TYW1: variants seen among roughly 807,000 people sequenced by gnomAD.
The protein encoded by TYW1 is tRNA-yW synthesizing protein 1 homolog, also known as S-adenosyl-L-methionine-dependent tRNA 4-demethylwyosine synthase TYW1.
TYW1 carries 46 observed loss-of-function variants against 96.2 expected under a neutral mutation model. That is an observed-to-expected ratio of 0.48 (90% CI 0.38 to 0.61). The LOEUF is 0.61. TYW1 is among the 20% of genes least tolerant of loss of function. TYW1 has a pLI of 0.00. For missense variants in TYW1, 684 were observed against 909.6 expected (o/e 0.75, Z 3.19); for synonymous variants, 274 against 323.0 (o/e 0.85, Z 1.63).
At chr7:67,157,428 G>A (rs926798436) in intron 13 of TYW1, among the ~76,000 whole-genome samples, 7 of 152,118 alleles carry the variant, frequency 4.6e-5, no homozygotes, top group Admixed American at 6.6e-5. Context: ...TGGGATTGCA[G>A]GTGTCAACCA....
intron 8 of TYW1, among the ~76,000 whole-genome samples, chr7:67,051,882 T>A (rs1186356428): frequency 6.6e-6 from 1 of 152,206 alleles, no homozygotes; most frequent in Non-Finnish European, 1.5e-5. Flanking sequence ...TCTATCACTG[T>A]GTCTTCAAGT....
chr7:67,235,762 C>T (rs1801864220), intron 15 of TYW1, among the ~76,000 whole-genome samples: 1 of 151,768 alleles, frequency 6.6e-6, no homozygotes, highest in South Asian at 2.1e-4. Flanking sequence ...GGTGTGGTGG[C>T]AGGTGCCAGT....
rs562208428 is a variant in TYW1, at chr7:67,007,943, CT to C, written c.274-1635del. On this transcript the variant is annotated intron_variant, in intron 3 of 15. Transcript: ENST00000359626. ...AGCCACCACGCCTGGCCAACCTGTC[CT>C]TTTTCTATACCAGTTCTCATGCTTA... Among the ~76,000 whole-genome samples, 12 of 152,126 alleles carry C rather than the reference CT, an allele frequency of 7.9e-5. No homozygotes were observed. The East Asian group carries it at 2.1e-3, about 27-fold the overall frequency.
intron 9 of TYW1, among the ~76,000 whole-genome samples, chr7:67,066,589 C>T (rs1795876410): frequency 6.6e-6 from 1 of 152,160 alleles, no homozygotes. Context: ...TTGCTCACAA[C>T]TGTAATCTTA....
chr7:67,018,933 G>A (rs1277131979), intron 6 of TYW1, among the ~76,000 whole-genome samples: 1 of 146,252 alleles, frequency 6.8e-6, no homozygotes, highest in African/African-American at 2.5e-5. Flanking sequence ...TCCAGCCCGG[G>A]CGACAGAGTG....
intron 9 of TYW1, among the ~76,000 whole-genome samples, chr7:67,056,205 A>G (rs534654355): frequency 6.6e-6 from 1 of 152,296 alleles, no homozygotes; most frequent in East Asian, 1.9e-4. Context: ...AGAATTTCAT[A>G]TGAGTGGCCA....
intron 3 of TYW1, among the ~76,000 whole-genome samples, chr7:67,008,681 T>C (rs1359773368): frequency 6.6e-6 from 1 of 152,170 alleles, no homozygotes; most frequent in African/African-American, 2.4e-5. Context: ...TATTTATTTA[T>C]TTTGGAGATG....
chr7:67,166,660 T>C (rs1358163407), intron 13 of TYW1, among the ~76,000 whole-genome samples: 1 of 152,198 alleles, frequency 6.6e-6, no homozygotes, highest in Non-Finnish European at 1.5e-5. Flanking sequence ...ATTTTTTCTT[T>C]ATGTATGTTT....
intron 12 of TYW1, among the ~76,000 whole-genome samples, chr7:67,112,617 T>TAAA (rs59148915): frequency 7.0e-6 from 1 of 142,306 alleles, no homozygotes; most frequent in African/African-American, 2.6e-5. Context: ...CTCTTGTCTT[T>TAAA]AAAAAAAAAA....
chr7:67,000,511 C>T (rs550412185), intron 3 of TYW1, among the ~76,000 whole-genome samples: 1 of 152,158 alleles, frequency 6.6e-6, no homozygotes, highest in South Asian at 2.1e-4. Context: ...ATTGGTCACA[C>T]TGCTCTCAAA....
chr7:67,019,836 T>G lies in TYW1; in HGVS notation c.861+1693T>G, dbSNP rs1321209766. The stretch of plus-strand genomic sequence containing the variant: ...TATAGCGATAATATTGATTAGTGAT[T>G]AGCTATGCACTGTTGAATGACAGGA... On this transcript the variant is annotated intron_variant, in intron 6 of 15. Coordinates refer to ENST00000359626, the MANE Select transcript of TYW1 (RefSeq NM_018264.4). Among the ~76,000 whole-genome samples, 5 of 152,414 alleles carry G rather than the reference T, an allele frequency of 3.3e-5. No homozygotes were observed. In the South Asian group the frequency reaches 8.3e-4, roughly 25 times the overall value.
At chr7:67,164,460 A>C (rs998133512) in intron 13 of TYW1, among the ~76,000 whole-genome samples, 1 of 151,772 alleles carries the variant, frequency 6.6e-6, no homozygotes, top group East Asian at 1.9e-4. Flanking sequence ...ATACAAAAAA[A>C]ATTGGCTGGA....
At chr7:67,166,945 C>T (rs1413197684) in intron 13 of TYW1, among the ~76,000 whole-genome samples, 1 of 152,164 alleles carries the variant, frequency 6.6e-6, no homozygotes, top group Admixed American at 6.5e-5. Flanking sequence ...TAGTGCCAGA[C>T]AATCGCACGG....
Position 67,006,517 on chromosome 7 carries a change from GC to G in TYW1, c.274-3065del, listed in dbSNP as rs533706814. On this transcript the variant is annotated intron_variant, in intron 3 of 15. Transcript: ENST00000359626. Reference sequence around the variant, plus strand: ...TGCAGTGGCGTGATCTCGGCTCACTGCGGCCTCTGCCTCCCAGGCTCAAGCG... The same window carrying G: ...TGCAGTGGCGTGATCTCGGCTCACTGGGCCTCTGCCTCCCAGGCTCAAGCG... Among the ~76,000 whole-genome samples the G allele has an allele frequency of 3.9e-4, 54 of 137,184 alleles. 1 individual carries two copies. The highest frequency in any genetic ancestry group is 6.6e-4 in the South Asian group (3 of 4,518). The allele number at this position is 137,184 out of a possible 152,430, so 90.0% of individuals were successfully genotyped here. A position where few individuals can be genotyped will look rare whatever the true frequency, so the allele number is the denominator to read the frequency against.
At chr7:67,035,858 T>C (rs1463264989) in intron 7 of TYW1, among the ~76,000 whole-genome samples, 3 of 151,722 alleles carry the variant, frequency 2.0e-5, no homozygotes, top group Admixed American at 1.3e-4. Flanking sequence ...TTTGTGTTTT[T>C]AGTAGAGACG....
intron 6 of TYW1, among the ~76,000 whole-genome samples, chr7:67,021,815 C>G (rs116431923): frequency 1.6e-4 from 24 of 152,300 alleles, no homozygotes; most frequent in African/African-American, 5.8e-4. Flanking sequence ...AGTAAATTCT[C>G]GACATGAGTC....
Position 67,180,384 on chromosome 7 carries a change from GTTTATATATATATATATATA to G in TYW1, c.1699-2721_1699-2702del, listed in dbSNP as rs1291117284. Among the ~76,000 whole-genome samples the G allele has an allele frequency of 2.5e-4, 17 of 68,628 alleles. 4 individuals are homozygous for G. Among genetic ancestry groups the G allele is most frequent in the African/African-American group, 7.8e-4 (10 of 12,796 alleles). The allele number at this position is 68,628 out of a possible 152,430, so 45.0% of individuals were successfully genotyped here. On this transcript the variant is annotated intron_variant, in intron 13 of 15. Transcript: ENST00000359626. The stretch of plus-strand genomic sequence containing the variant: ...CTACCGTATCCTTGGAAAGCTGTTG[GTTTATATATATATATATATA>G]TTTATATATATATATATATAATTTT...
At chr7:67,093,863 A>G (rs183308921) in intron 11 of TYW1, among the ~76,000 whole-genome samples, 1 of 151,326 alleles carries the variant, frequency 6.6e-6, no homozygotes, top group African/African-American at 2.5e-5. Context: ...TATTTTATTT[A>G]TTATTTTGTA....
chr7:67,052,383 C>G (rs1284849902), intron 8 of TYW1, among the ~76,000 whole-genome samples: 2 of 152,114 alleles, frequency 1.3e-5, no homozygotes, highest in Non-Finnish European at 2.9e-5. Flanking sequence ...TGGTTAGTTT[C>G]TATTGCTATG....
Sources: gnomAD v4.1 joint callset for allele counts (sites outside exome capture counted in the v4.1 genomes callset) on GRCh38, gnomAD v4.1.1 for gene constraint, MANE v1.5 for transcripts, NCBI Gene and HGNC (gene_info 2026-07-23, HGNC 2026-07-21) for gene names.